CA10: variants seen among roughly 807,000 people sequenced by gnomAD.
The protein encoded by CA10 is carbonic anhydrase-related protein 10.
In CA10, 14 loss-of-function variants were observed where a neutral mutation model predicts 44.2. That is an observed-to-expected ratio of 0.32 (90% CI 0.21 to 0.50). The LOEUF (loss-of-function observed/expected upper bound fraction) is 0.50. CA10 is among the 20% of genes least tolerant of loss of function. The pLI is 0.99. For synonymous variants in CA10, 159 were observed against 141.6 expected, an observed-to-expected ratio of 1.12 and a Z score of -0.87; for missense variants, 350 against 409.7, an observed-to-expected ratio of 0.85 and a Z score of 1.26.
chr17:52,060,314 C>T (rs1009808862), intron 2 of CA10, among the ~76,000 whole-genome samples: 20 of 151,674 alleles, frequency 1.3e-4, no homozygotes, highest in South Asian at 1.2e-3. Context: ...CCAGAGGAGA[C>T]GAAAGAGACA....
intron 1 of CA10, among the ~76,000 whole-genome samples, chr17:52,108,189 ATTTTT>A (rs879650640): frequency 9.4e-5 from 7 of 74,314 alleles, no homozygotes; most frequent in African/African-American, 6.4e-4. Flanking sequence ...TTATATATAT[ATTTTT>A]TATATATATA....
At chr17:51,716,475 A>G (rs1916117946) in intron 4 of CA10, among the ~76,000 whole-genome samples, 2 of 152,104 alleles carry the variant, frequency 1.3e-5, no homozygotes, top group African/African-American at 4.8e-5. Context: ...TCAGAGAAAA[A>G]AAGAAGAGAA....
At chr17:52,097,097 C>G (rs1024528108) in intron 1 of CA10, among the ~76,000 whole-genome samples, 41 of 90,400 alleles carry the variant, frequency 4.5e-4, no homozygotes, top group African/African-American at 1.7e-3. Context: ...TGTTTATGAA[C>G]TAGGATATCC....
chr17:51,664,986 G>A (rs1419042668), intron 4 of CA10, among the ~76,000 whole-genome samples: 1 of 152,162 alleles, frequency 6.6e-6, no homozygotes, highest in Admixed American at 6.5e-5. Flanking sequence ...AGGAAAGACT[G>A]AATCCTCACA....
chr17:51,969,383 T>C (rs1209943448), intron 2 of CA10, among the ~76,000 whole-genome samples: 1 of 152,094 alleles, frequency 6.6e-6, no homozygotes, highest in African/African-American at 2.4e-5. Flanking sequence ...ATCTGGTAAG[T>C]GGACAGAGCT....
chr17:52,080,416 C>T (rs1336634157), intron 1 of CA10, among the ~76,000 whole-genome samples: 2 of 151,288 alleles, frequency 1.3e-5, no homozygotes, highest in Non-Finnish European at 2.9e-5. Context: ...TGCACCACTG[C>T]ACTCCAGCCT....
chr17:51,928,119 A>G (rs1982504065), intron 3 of CA10, among the ~76,000 whole-genome samples: 1 of 152,158 alleles, frequency 6.6e-6, no homozygotes, highest in Admixed American at 6.6e-5. Flanking sequence ...CATATATCTA[A>G]TGAGATTTAT....
At chr17:51,644,177 T>A (rs930911901) in intron 6 of CA10, among the ~76,000 whole-genome samples, 2 of 151,152 alleles carry the variant, frequency 1.3e-5, no homozygotes, top group African/African-American at 4.9e-5. Context: ...TCCCCCCCTT[T>A]TTTTTTTTCC....
intron 1 of CA10, among the ~76,000 whole-genome samples, chr17:52,128,547 T>A (rs1474815788): frequency 1.3e-5 from 2 of 152,192 alleles, no homozygotes; most frequent in Non-Finnish European, 2.9e-5. Flanking sequence ...TGGCTTCTAA[T>A]CCTATCTCTA....
At chr17:52,103,494 T>C (rs1988588529) in intron 1 of CA10, among the ~76,000 whole-genome samples, 1 of 152,098 alleles carries the variant, frequency 6.6e-6, no homozygotes, top group Admixed American at 6.5e-5. Flanking sequence ...TGCTGAAGAG[T>C]GAGTCTGGGT....
chr17:52,033,109 G>A (rs1356050170), intron 2 of CA10, among the ~76,000 whole-genome samples: 2 of 152,112 alleles, frequency 1.3e-5, no homozygotes, highest in Non-Finnish European at 2.9e-5. Context: ...TTTTGCGTTG[G>A]GTCATGAAGG....
chr17:51,639,796 G>T (rs1263038416), intron 6 of CA10, among the ~76,000 whole-genome samples: 1 of 152,204 alleles, frequency 6.6e-6, no homozygotes, highest in East Asian at 1.9e-4. Context: ...TGCTGACTTT[G>T]CTGCTCACTC....
At chr17:51,999,549 G>C (rs1312916546) in intron 2 of CA10, among the ~76,000 whole-genome samples, 1 of 152,000 alleles carries the variant, frequency 6.6e-6, no homozygotes, top group East Asian at 1.9e-4. Flanking sequence ...GCCAGCCTGA[G>C]TTGTGAGTGT....
intron 3 of CA10, among the ~76,000 whole-genome samples, chr17:51,841,111 T>G (rs897307827): frequency 1.3e-5 from 2 of 152,146 alleles, no homozygotes; most frequent in Admixed American, 6.5e-5. Flanking sequence ...CCAAGTCCCT[T>G]TTGTTTACCC....
At chr17:51,874,854 G>C (rs1841429209) in intron 3 of CA10, among the ~76,000 whole-genome samples, 2 of 152,056 alleles carry the variant, frequency 1.3e-5, no homozygotes, top group African/African-American at 2.4e-5. Context: ...ACTTAAACTG[G>C]GTCTTTCCTC....
chr17:51,697,443 C>T (rs986320266), intron 4 of CA10, among the ~76,000 whole-genome samples: 1 of 152,188 alleles, frequency 6.6e-6, no homozygotes, highest in African/African-American at 2.4e-5. Flanking sequence ...CCCCAAATGG[C>T]TCACCACATC....
At chr17:51,660,704 C>T (rs1205751622) in intron 4 of CA10, among the ~76,000 whole-genome samples, 3 of 152,188 alleles carry the variant, frequency 2.0e-5, no homozygotes, top group Admixed American at 1.3e-4. Flanking sequence ...GAAGACCACA[C>T]GTGGCGTTCA....
chr17:51,862,596 A>G (rs1053927540), intron 3 of CA10, among the ~76,000 whole-genome samples: 7 of 152,158 alleles, frequency 4.6e-5, no homozygotes, highest in African/African-American at 1.7e-4. Flanking sequence ...TTCAGAAACT[A>G]TCTTTGCTTG....
At chr17:51,902,040 G>A (rs913260357) in intron 3 of CA10, among the ~76,000 whole-genome samples, 5 of 152,092 alleles carry the variant, frequency 3.3e-5, no homozygotes, top group African/African-American at 1.2e-4. Flanking sequence ...AAAACTATGT[G>A]TAGTTTTTCC....
Sources: gnomAD v4.1 joint callset for allele counts (sites outside exome capture counted in the v4.1 genomes callset) on GRCh38, gnomAD v4.1.1 for gene constraint, MANE v1.5 for transcripts, NCBI Gene and HGNC (gene_info 2026-07-23, HGNC 2026-07-21) for gene names.